Variants in UNC5D observed in about 807,000 individuals in gnomAD.
UNC5D encodes the protein netrin receptor UNC5D.
In UNC5D, 39 loss-of-function variants were observed where a neutral mutation model predicts 105.4. The ratio of observed to expected loss-of-function variants is 0.37; its 90% CI spans 0.29 to 0.48. UNC5D has a LOEUF of 0.48. Among genes scored for constraint, UNC5D ranks in the 20% least tolerant of loss-of-function variants. The probability of loss-of-function intolerance (pLI) is 0.98; values close to 1 mark genes in which losing one functional copy is unlikely to be tolerated. For synonymous variants in UNC5D, 452 were observed against 450.4 expected (o/e 1.00, Z -0.04); for missense variants, 991 against 1,202.4 (o/e 0.82, Z 2.60).
intron 1 of UNC5D, among the ~76,000 whole-genome samples, chr8:35,440,760 C>G (rs1394909699): frequency 6.6e-6 from 1 of 151,972 alleles, no homozygotes; most frequent in Non-Finnish European, 1.5e-5. Context: ...CCCTAGACAA[C>G]TCTGCCACAT....
At chr8:35,668,194 A>C (rs1473987513) in intron 4 of UNC5D, among the ~76,000 whole-genome samples, 1 of 152,004 alleles carries the variant, frequency 6.6e-6, no homozygotes, top group Non-Finnish European at 1.5e-5. Flanking sequence ...TAAGTTCTTC[A>C]TTTGTATTTT....
chr8:35,269,699 TC>T (rs148126498), intron 1 of UNC5D, among the ~76,000 whole-genome samples: 3,161 of 152,302 alleles, frequency 0.021, 110 homozygotes, highest in African/African-American at 0.073. Flanking sequence ...ATATTCAGCC[TC>T]CCATCGCCGG....
At chr8:35,287,765 C>T (rs2128857776) in intron 1 of UNC5D, among the ~76,000 whole-genome samples, 1 of 152,080 alleles carries the variant, frequency 6.6e-6, no homozygotes, top group East Asian at 1.9e-4. Context: ...TATGATTGCA[C>T]CTTTGCACTC....
chr8:35,765,175 C>T (rs968407598), intron 14 of UNC5D, among the ~76,000 whole-genome samples: 10 of 152,122 alleles, frequency 6.6e-5, no homozygotes, highest in African/African-American at 2.2e-4. Context: ...ATGGCTTCTG[C>T]GTTTCCTCTC....
intron 1 of UNC5D, among the ~76,000 whole-genome samples, chr8:35,488,608 A>G (rs1186668104): frequency 6.6e-6 from 1 of 152,180 alleles, no homozygotes; most frequent in Non-Finnish European, 1.5e-5. Flanking sequence ...CCCTGAGGAT[A>G]CAGCATTAAA....
At chr8:35,764,706 C>T (rs1229622357) in intron 14 of UNC5D, among the ~76,000 whole-genome samples, 4 of 152,158 alleles carry the variant, frequency 2.6e-5, no homozygotes, top group Admixed American at 2.0e-4. Flanking sequence ...TATCATTAAA[C>T]GGACATGTGT....
intron 1 of UNC5D, among the ~76,000 whole-genome samples, chr8:35,285,444 T>C (rs1005836017): frequency 6.6e-6 from 1 of 152,220 alleles, no homozygotes; most frequent in Non-Finnish European, 1.5e-5. Context: ...TTGCATAAGT[T>C]CAATTTCTAG....
chr8:35,388,822 T>G (rs1803596362), intron 1 of UNC5D, among the ~76,000 whole-genome samples: 2 of 152,196 alleles, frequency 1.3e-5, no homozygotes, highest in African/African-American at 4.8e-5. Context: ...TAAGAAGGAC[T>G]GATTTGTTCC....
chr8:35,456,594 G>T (rs1188279562), intron 1 of UNC5D, among the ~76,000 whole-genome samples: 1 of 152,154 alleles, frequency 6.6e-6, no homozygotes, highest in Non-Finnish European at 1.5e-5. Flanking sequence ...AGAAATATTT[G>T]ATTTCAGTGT....
At chr8:35,526,138 T>C (rs1373401890) in intron 1 of UNC5D, among the ~76,000 whole-genome samples, 2 of 152,222 alleles carry the variant, frequency 1.3e-5, no homozygotes, top group African/African-American at 2.4e-5. Flanking sequence ...ATTGAGAACA[T>C]TGCTTTGATG....
intron 2 of UNC5D, among the ~76,000 whole-genome samples, chr8:35,560,034 G>A (rs1002606809): frequency 4.1e-4 from 63 of 152,068 alleles, no homozygotes; most frequent in African/African-American, 1.5e-3. Context: ...ACCATCCAAC[G>A]GCCTAGAAAG....
chr8:35,657,556 C>T (rs1487974731), intron 4 of UNC5D, among the ~76,000 whole-genome samples: 1 of 152,146 alleles, frequency 6.6e-6, no homozygotes, highest in Non-Finnish European at 1.5e-5. Context: ...TGGATCATAG[C>T]TCACTGTAAC....
chr8:35,571,376 ATACT>A (rs1284158000), intron 3 of UNC5D, among the ~76,000 whole-genome samples: 16 of 152,242 alleles, frequency 1.1e-4, no homozygotes, highest in Non-Finnish European at 1.8e-4. Context: ...TTTGCAACAC[ATACT>A]TAGTTTCTTC....
chr8:35,410,466 T>A (rs1056770842), intron 1 of UNC5D, among the ~76,000 whole-genome samples: 19 of 152,130 alleles, frequency 1.2e-4, no homozygotes, highest in African/African-American at 4.3e-4. Flanking sequence ...AGTTTGTTTT[T>A]AAAAAGGTCC....
intron 1 of UNC5D, among the ~76,000 whole-genome samples, chr8:35,407,630 A>G (rs539438420): frequency 6.6e-6 from 1 of 151,968 alleles, no homozygotes; most frequent in African/African-American, 2.4e-5. Context: ...AGATTATTTC[A>G]TCACCCAGGT....
intron 1 of UNC5D, among the ~76,000 whole-genome samples, chr8:35,404,530 T>C (rs1804677689): frequency 6.6e-6 from 1 of 152,166 alleles, no homozygotes; most frequent in Non-Finnish European, 1.5e-5. Context: ...AGGGATATAT[T>C]CAGGCCTCAC....
chr8:35,683,874 C>T, intron 5 of UNC5D, 147 bp downstream of exon 5: 1 of 707,882 alleles, frequency 1.4e-6, no homozygotes, highest in Non-Finnish European at 2.0e-6. Flanking sequence ...CCTCGTCTGG[C>T]AGGCAAAAAA....
chr8:35,503,218 G>A (rs975259824), intron 1 of UNC5D, among the ~76,000 whole-genome samples: 4 of 152,182 alleles, frequency 2.6e-5, no homozygotes, highest in South Asian at 2.1e-4. Flanking sequence ...TCACATAGTC[G>A]GTGTATTAGT....
intron 1 of UNC5D, among the ~76,000 whole-genome samples, chr8:35,333,780 AGT>A (rs1204311581): frequency 6.6e-6 from 1 of 152,192 alleles, no homozygotes; most frequent in African/African-American, 2.4e-5. Context: ...GCACCAGGCC[AGT>A]GTTTGTTTTA....
Sources: gnomAD v4.1 joint callset for allele counts (sites outside exome capture counted in the v4.1 genomes callset) on GRCh38, gnomAD v4.1.1 for gene constraint, MANE v1.5 for transcripts, NCBI Gene and HGNC (gene_info 2026-07-23, HGNC 2026-07-21) for gene names.